ZFHX3: variants seen among roughly 807,000 people sequenced by gnomAD.
The protein encoded by ZFHX3 is zinc finger homeobox protein 3.
In ZFHX3, 42 loss-of-function variants were observed where a neutral mutation model predicts 279.1. The ratio of observed to expected loss-of-function variants is 0.15; its 90% CI spans 0.12 to 0.19. The LOEUF is 0.19. Ranked by LOEUF, ZFHX3 falls within the 10% of genes least tolerant of loss-of-function variation. The pLI, the probability that ZFHX3 is intolerant of heterozygous loss-of-function variation, is 1.00. For missense variants in ZFHX3, 4,981 were observed against 4,754.0 expected (o/e 1.05, Z -1.40); for synonymous variants, 2,293 against 1,957.8 (o/e 1.17, Z -4.52).
At chr16:73,715,562 CTTTTTTTTTTTT>C (rs949665075) in intron 1 of ZFHX3, among the ~76,000 whole-genome samples, 5 of 63,022 alleles carry the variant, frequency 7.9e-5, no homozygotes, top group Non-Finnish European at 3.0e-5. Context: ...CACAGCTGGT[CTTTTTTTTTTTT>C]TTTTTTTTTT....
intron 2 of ZFHX3, among the ~76,000 whole-genome samples, chr16:73,651,188 C>G (rs1264114508): frequency 1.3e-5 from 2 of 150,330 alleles, no homozygotes; most frequent in Non-Finnish European, 3.0e-5. Flanking sequence ...AAAGAGAAAG[C>G]AGGCAAATGG....
intron 1 of ZFHX3, among the ~76,000 whole-genome samples, chr16:73,698,943 G>A (rs550162165): frequency 1.4e-4 from 22 of 152,234 alleles, no homozygotes; most frequent in Non-Finnish European, 2.6e-4. Flanking sequence ...GGAGTGCAGT[G>A]GCGTGATCTC....
intron 5 of ZFHX3, among the ~76,000 whole-genome samples, chr16:73,200,609 A>G (rs1384246328): frequency 6.6e-6 from 1 of 152,234 alleles, no homozygotes; most frequent in Admixed American, 6.5e-5. Context: ...TTTACACAGT[A>G]TCATGTAGCT....
intron 3 of ZFHX3, among the ~76,000 whole-genome samples, chr16:73,318,633 T>A (rs551284448): frequency 2.8e-4 from 42 of 152,210 alleles, no homozygotes; most frequent in Admixed American, 6.5e-4. Context: ...TTAAGAAACC[T>A]CAAAGTAATT....
chr16:73,653,266 C>T lies in ZFHX3; in HGVS notation c.-1547+26914G>A, dbSNP rs551861899. 1.3e-4 allele frequency among the ~76,000 whole-genome samples: 20 copies of T among 152,242 alleles called. No individual in the cohort carries two copies. In the South Asian group the frequency reaches 3.5e-3, roughly 27 times the overall value. ...CTAATAACCTGTGTGGAACATTATA[C>T]TCAGCAACTACACAACAGATTTCTT... On this transcript the variant is annotated intron_variant, in intron 2 of 17. Coordinates refer to the ZFHX3 transcript ENST00000641206.
rs370384540 is a variant in ZFHX3, at chr16:73,260,680, G to GTTTTTTTTT, written c.-1193-3553_-1193-3545dup. ...TCTTTGTTAGTGGTGCACCTATCTGGTTTTTTTTTTTTTTTTTTTTTTTTT... is the reference window on the plus strand; with the variant it reads ...TCTTTGTTAGTGGTGCACCTATCTGGTTTTTTTTTTTTTTTTTTTTTTTTTTTTTTTTTT... On this transcript the variant is annotated intron_variant, in intron 4 of 17. Coordinates refer to the ZFHX3 transcript ENST00000641206. Among the ~76,000 whole-genome samples the GTTTTTTTTT allele has an allele frequency of 2.0e-4, 18 of 88,398 alleles. 1 individual carries two copies. The highest frequency in any genetic ancestry group is 4.2e-4 in the African/African-American group (10 of 23,732). 58.0% of individuals were successfully genotyped at this position (88,398 alleles called of 152,430 possible). A position where few individuals can be genotyped will look rare whatever the true frequency, so the allele number is the denominator to read the frequency against.
chr16:73,384,947 C>T (rs1409707017), intron 3 of ZFHX3, among the ~76,000 whole-genome samples: 1 of 152,208 alleles, frequency 6.6e-6, no homozygotes, highest in Non-Finnish European at 1.5e-5. Context: ...ACCTGACCCA[C>T]TGGGTTCCCA....
At chr16:73,419,405 A>C (rs911668500) in intron 3 of ZFHX3, among the ~76,000 whole-genome samples, 1 of 152,168 alleles carries the variant, frequency 6.6e-6, no homozygotes, top group Admixed American at 6.5e-5. Context: ...AGAAGTCAAC[A>C]CTGACTGTAT....
intron 2 of ZFHX3, among the ~76,000 whole-genome samples, chr16:73,561,206 G>A (rs1159563346): frequency 6.6e-6 from 1 of 152,166 alleles, no homozygotes; most frequent in Non-Finnish European, 1.5e-5. Context: ...ACAGGAGACT[G>A]AAATTCTAGA....
At chr16:73,595,746 C>T (rs1216062370) in intron 2 of ZFHX3, among the ~76,000 whole-genome samples, 1 of 152,126 alleles carries the variant, frequency 6.6e-6, no homozygotes, top group Non-Finnish European at 1.5e-5. Context: ...ACTGACTTTA[C>T]CATCTTTCCC....
chr16:73,305,406 C>T (rs1046367039), intron 4 of ZFHX3, among the ~76,000 whole-genome samples: 6 of 152,050 alleles, frequency 3.9e-5, no homozygotes, highest in Non-Finnish European at 8.8e-5. Flanking sequence ...GCAATCAGTC[C>T]ATGCAAAGAG....
chr16:73,887,260 C>T (rs1418708528), intron 1 of ZFHX3, among the ~76,000 whole-genome samples: 2 of 152,086 alleles, frequency 1.3e-5, no homozygotes, highest in African/African-American at 2.4e-5. Context: ...TCCCAGGCCT[C>T]GAGATAAAAC....
intron 1 of ZFHX3, among the ~76,000 whole-genome samples, chr16:73,791,938 T>C (rs1170567466): frequency 3.3e-5 from 5 of 152,228 alleles, no homozygotes; most frequent in African/African-American, 1.2e-4. Flanking sequence ...CATAGTAGTA[T>C]AATGATTCGT....
At chr16:73,491,642 A>C (rs965748537) in intron 2 of ZFHX3, among the ~76,000 whole-genome samples, 1 of 152,182 alleles carries the variant, frequency 6.6e-6, no homozygotes, top group Non-Finnish European at 1.5e-5. Context: ...ACTATGGATA[A>C]TATGTGTGCT....
At chr16:73,800,447 C>A (rs940534303) in intron 1 of ZFHX3, among the ~76,000 whole-genome samples, 4 of 152,098 alleles carry the variant, frequency 2.6e-5, no homozygotes, top group Admixed American at 6.6e-5. Flanking sequence ...GAACTCCTGA[C>A]CTCAGGTGAT....
At chr16:73,559,427 C>T (rs570321833) in intron 2 of ZFHX3, among the ~76,000 whole-genome samples, 48 of 152,190 alleles carry the variant, frequency 3.2e-4, no homozygotes, top group Non-Finnish European at 6.3e-4. Context: ...ATGGCATTAG[C>T]TGTGCAACAC....
intron 1 of ZFHX3, among the ~76,000 whole-genome samples, chr16:73,834,268 C>A (rs1207472114): frequency 6.6e-6 from 1 of 152,260 alleles, no homozygotes; most frequent in East Asian, 1.9e-4. Context: ...ATAAATAACA[C>A]CTTTGCATCT....
At chr16:73,487,290 G>T (rs946093790) in intron 2 of ZFHX3, 3 of 305,712 alleles carry the variant, frequency 9.8e-6, no homozygotes, top group Admixed American at 4.6e-5. Context: ...TGGGCAGCTT[G>T]GGTGTGGCGC....
chr16:73,693,840 A>T (rs541572077), intron 1 of ZFHX3, among the ~76,000 whole-genome samples: 1 of 152,234 alleles, frequency 6.6e-6, no homozygotes, highest in East Asian at 1.9e-4. Context: ...GCGTTTCCAC[A>T]TCTCATGATG....
Sources: allele counts gnomAD v4.1 joint callset (sites outside exome capture counted in the v4.1 genomes callset), GRCh38; gene constraint gnomAD v4.1.1; transcripts MANE v1.5; gene names NCBI Gene and HGNC (gene_info 2026-07-23, HGNC 2026-07-21).